SLC8A1: variants seen among roughly 807,000 people sequenced by gnomAD.
SLC8A1 encodes sodium/calcium exchanger 1.
Under a neutral mutation model 68.3 loss-of-function variants are expected in SLC8A1, and 18 were observed. The observed-to-expected ratio is 0.26, with a 90% CI of 0.18 to 0.39. The LOEUF (loss-of-function observed/expected upper bound fraction) is 0.39, where lower values mean the gene tolerates loss of function less well. Ranked by LOEUF, SLC8A1 falls within the 10% of genes least tolerant of loss-of-function variation. The pLI is 1.00. For synonymous variants in SLC8A1, 475 were observed against 415.5 expected (o/e 1.14, Z -1.74); for missense variants, 985 against 1,156.7 (o/e 0.85, Z 2.15).
chr2:40,433,192 C>G (rs531422253), intron 1 of SLC8A1, among the ~76,000 whole-genome samples: 2 of 152,226 alleles, frequency 1.3e-5, no homozygotes, highest in East Asian at 3.9e-4. Flanking sequence ...TCATTGGTTT[C>G]CCACTTCCCT....
chr2:40,487,756 C>A (rs777276722), intron 1 of SLC8A1, among the ~76,000 whole-genome samples: 1 of 152,140 alleles, frequency 6.6e-6, no homozygotes, highest in South Asian at 2.1e-4. Context: ...ATTGCGGAAC[C>A]TGCTCACTCA....
intron 1 of SLC8A1, among the ~76,000 whole-genome samples, chr2:40,492,542 T>TGAA (rs1312216010): frequency 1.3e-5 from 2 of 151,216 alleles, no homozygotes; most frequent in African/African-American, 2.4e-5. Context: ...GAAACTACCA[T>TGAA]CAGAGTGAAC....
chr2:40,242,872 G>A (rs1226999409), intron 2 of SLC8A1, among the ~76,000 whole-genome samples: 1 of 152,186 alleles, frequency 6.6e-6, no homozygotes, highest in Non-Finnish European at 1.5e-5. Flanking sequence ...AACTTCACAT[G>A]CAAGGTATAC....
chr2:40,450,507 A>T (rs1291699913), intron 1 of SLC8A1, among the ~76,000 whole-genome samples: 1 of 152,012 alleles, frequency 6.6e-6, no homozygotes, highest in African/African-American at 2.4e-5. Flanking sequence ...ATCTGGAGAT[A>T]CTCCAGCAAT....
At chr2:40,296,958 A>T (rs906298577) in intron 2 of SLC8A1, among the ~76,000 whole-genome samples, 5 of 152,204 alleles carry the variant, frequency 3.3e-5, no homozygotes, top group Non-Finnish European at 7.3e-5. Context: ...CACATTAATG[A>T]TAATGGTAAT....
chr2:40,306,716 T>A (rs1478607724), intron 2 of SLC8A1, among the ~76,000 whole-genome samples: 1 of 152,122 alleles, frequency 6.6e-6, no homozygotes, highest in African/African-American at 2.4e-5. Context: ...TAAGCCCCAA[T>A]GTCAATTACT....
At chr2:40,225,101 A>C (rs2058804282) in intron 2 of SLC8A1, among the ~76,000 whole-genome samples, 1 of 152,090 alleles carries the variant, frequency 6.6e-6, no homozygotes, top group African/African-American at 2.4e-5. Context: ...TAACTATAGG[A>C]CTTCCAACTG....
chr2:40,292,441 G>C (rs1306346883), intron 2 of SLC8A1, among the ~76,000 whole-genome samples: 1 of 152,154 alleles, frequency 6.6e-6, no homozygotes. Flanking sequence ...GTCTAAGCTA[G>C]ATTTTTGGGT....
chr2:40,393,412 A>T (rs1392919663), intron 2 of SLC8A1, among the ~76,000 whole-genome samples: 1 of 152,130 alleles, frequency 6.6e-6, no homozygotes, highest in Non-Finnish European at 1.5e-5. Context: ...AAAATTTATA[A>T]TGTGATATTT....
At chr2:40,134,633 A>C (rs1321838410) in intron 7 of SLC8A1, among the ~76,000 whole-genome samples, 1 of 152,168 alleles carries the variant, frequency 6.6e-6, no homozygotes, top group East Asian at 1.9e-4. Context: ...CAACACTAAA[A>C]ATCATCTACT....
At chr2:40,473,947 T>A (rs1416516012) in intron 1 of SLC8A1, among the ~76,000 whole-genome samples, 1 of 152,186 alleles carries the variant, frequency 6.6e-6, no homozygotes, top group Non-Finnish European at 1.5e-5. Context: ...AGGCATAATC[T>A]CATTTAGTAT....
intron 2 of SLC8A1, among the ~76,000 whole-genome samples, chr2:40,330,930 C>G (rs983217278): frequency 2.0e-5 from 3 of 152,102 alleles, no homozygotes; most frequent in African/African-American, 7.2e-5. Context: ...TACCTGCAAA[C>G]CAGAGCCACA....
chr2:40,495,959 T>G (rs1361851094), intron 1 of SLC8A1, among the ~76,000 whole-genome samples: 1 of 152,066 alleles, frequency 6.6e-6, no homozygotes, highest in African/African-American at 2.4e-5. Context: ...TATCTATCTG[T>G]CTATCAATCA....
intron 2 of SLC8A1, among the ~76,000 whole-genome samples, chr2:40,185,489 C>T (rs1328426974): frequency 6.6e-6 from 1 of 152,154 alleles, no homozygotes; most frequent in Admixed American, 6.5e-5. Context: ...AACCCAGACA[C>T]AAATGGCTAC....
At chr2:40,303,369 G>A (rs1341496348) in intron 2 of SLC8A1, among the ~76,000 whole-genome samples, 1 of 152,180 alleles carries the variant, frequency 6.6e-6, no homozygotes, top group Admixed American at 6.5e-5. Flanking sequence ...CAGGGGGCCA[G>A]CACTGGCTGG....
chr2:40,382,628 T>G (rs1218407885), intron 2 of SLC8A1, among the ~76,000 whole-genome samples: 1 of 151,406 alleles, frequency 6.6e-6, no homozygotes, highest in African/African-American at 2.4e-5. Flanking sequence ...GCAAAATATG[T>G]ATGAACTCTG....
chr2:40,145,885 C>T (rs553462784), intron 6 of SLC8A1, among the ~76,000 whole-genome samples: 1 of 152,222 alleles, frequency 6.6e-6, no homozygotes, highest in Non-Finnish European at 1.5e-5. Context: ...TGTCTAGTGA[C>T]ACCTTATCTC....
chr2:40,143,884 C>T (rs549596203), intron 6 of SLC8A1, among the ~76,000 whole-genome samples: 29 of 152,242 alleles, frequency 1.9e-4, no homozygotes, highest in Admixed American at 8.5e-4. Flanking sequence ...GTAATGGACA[C>T]GTGGGTCAGA....
intron 2 of SLC8A1, among the ~76,000 whole-genome samples, chr2:40,348,310 A>T (rs1669982591): frequency 6.6e-6 from 1 of 152,150 alleles, no homozygotes. Flanking sequence ...CTAACTGCAT[A>T]GGCTCCTTCC....
Sources: gnomAD v4.1 joint callset for allele counts (sites outside exome capture counted in the v4.1 genomes callset) on GRCh38, gnomAD v4.1.1 for gene constraint, MANE v1.5 for transcripts, NCBI Gene and HGNC (gene_info 2026-07-23, HGNC 2026-07-21) for gene names.